The following CNTNAP2 variants were observed in gnomAD, a reference collection of about 807,000 sequenced individuals.
CNTNAP2 encodes the protein contactin-associated protein-like 2.
CNTNAP2 carries 98 observed loss-of-function variants against 155.2 expected under a neutral mutation model. That is an observed-to-expected ratio of 0.63 (90% CI 0.54 to 0.75). CNTNAP2 has a LOEUF of 0.75. Ranked by LOEUF, CNTNAP2 falls within the 30% of genes least tolerant of loss-of-function variation. CNTNAP2 has a pLI of 0.00. For synonymous variants in CNTNAP2, 651 were observed against 631.2 expected, an observed-to-expected ratio of 1.03 and a Z score of -0.47; for missense variants, 1,727 against 1,688.1, an observed-to-expected ratio of 1.02 and a Z score of -0.40.
At chr7:147,154,241 C>A (rs909032826) in intron 8 of CNTNAP2, among the ~76,000 whole-genome samples, 1 of 152,014 alleles carries the variant, frequency 6.6e-6, no homozygotes, top group African/African-American at 2.4e-5. Flanking sequence ...CGAGAATAAG[C>A]AAGATCAGAG....
intron 12 of CNTNAP2, among the ~76,000 whole-genome samples, chr7:147,619,106 A>G (rs958948532): frequency 6.6e-6 from 1 of 152,384 alleles, no homozygotes; most frequent in African/African-American, 2.4e-5. Context: ...AGGTGATTAC[A>G]TGATGAGACA....
chr7:146,905,589 C>T (rs368933759), intron 3 of CNTNAP2, among the ~76,000 whole-genome samples: 4 of 152,034 alleles, frequency 2.6e-5, no homozygotes, highest in African/African-American at 9.6e-5. Flanking sequence ...ACTAGCTTTC[C>T]CCAAGTCTTT....
At chr7:147,033,190 A>ATATATATATATATATG (rs1554427723) in intron 3 of CNTNAP2, among the ~76,000 whole-genome samples, 70 of 92,472 alleles carry the variant, frequency 7.6e-4, no homozygotes, top group Non-Finnish European at 1.2e-3. Flanking sequence ...ATATATATAT[A>ATATATATATATATATG]TATATATATA....
intron 1 of CNTNAP2, among the ~76,000 whole-genome samples, chr7:146,426,385 G>GTATA (rs71794213): frequency 6.1e-4 from 82 of 135,154 alleles, no homozygotes; most frequent in East Asian, 3.7e-3. Flanking sequence ...AAAACAAAAT[G>GTATA]TATATATATA....
intron 13 of CNTNAP2, among the ~76,000 whole-genome samples, chr7:147,675,102 G>A (rs147663646): frequency 0.016 from 2,496 of 152,036 alleles, 221 homozygotes; most frequent in Admixed American, 0.15. Flanking sequence ...TCCTTCAAAG[G>A]CTCCAGGGAA....
chr7:147,787,491 G>C (rs986167185), intron 13 of CNTNAP2, among the ~76,000 whole-genome samples: 1 of 152,208 alleles, frequency 6.6e-6, no homozygotes, highest in African/African-American at 2.4e-5. Flanking sequence ...CACATGGTTA[G>C]AATCATTAAT....
chr7:148,101,231 T>C (rs1031879063), intron 15 of CNTNAP2, among the ~76,000 whole-genome samples: 1 of 151,894 alleles, frequency 6.6e-6, no homozygotes, highest in South Asian at 2.1e-4. Context: ...CATGTATACA[T>C]ATGTAACTAA....
chr7:147,345,450 T>C (rs1795838157), intron 9 of CNTNAP2, among the ~76,000 whole-genome samples: 1 of 152,206 alleles, frequency 6.6e-6, no homozygotes. Flanking sequence ...TGCTTCCTTG[T>C]TTGGATCAAA....
chr7:148,362,001 G>C (rs1798630769), intron 21 of CNTNAP2, among the ~76,000 whole-genome samples: 1 of 152,044 alleles, frequency 6.6e-6, no homozygotes, highest in Non-Finnish European at 1.5e-5. Context: ...TGAAGTTAGG[G>C]GTTCGAGACC....
intron 11 of CNTNAP2, among the ~76,000 whole-genome samples, chr7:147,523,493 T>G (rs970678081): frequency 7.9e-5 from 12 of 152,206 alleles, no homozygotes; most frequent in Non-Finnish European, 1.6e-4. Flanking sequence ...TGGGGATCCT[T>G]TGGGATCACC....
intron 10 of CNTNAP2, among the ~76,000 whole-genome samples, chr7:147,479,667 CAAGTT>C (rs1798387544): frequency 6.6e-6 from 1 of 150,478 alleles, no homozygotes; most frequent in African/African-American, 2.4e-5. Context: ...GCAGAAAACC[CAAGTT>C]AAGTTGCTTA....
intron 6 of CNTNAP2, among the ~76,000 whole-genome samples, chr7:147,125,150 G>C (rs551186326): frequency 6.6e-6 from 1 of 151,986 alleles, no homozygotes; most frequent in Non-Finnish European, 1.5e-5. Flanking sequence ...AAAGTGCTGG[G>C]ATTACAGGTG....
At chr7:146,728,791 T>C (rs891473445) in intron 1 of CNTNAP2, among the ~76,000 whole-genome samples, 5 of 152,164 alleles carry the variant, frequency 3.3e-5, no homozygotes, top group African/African-American at 1.2e-4. Flanking sequence ...AATGTGGCAG[T>C]GTTCCAGAAG....
intron 1 of CNTNAP2, among the ~76,000 whole-genome samples, chr7:146,165,477 A>G (rs927417585): frequency 1.3e-5 from 2 of 152,190 alleles, no homozygotes; most frequent in African/African-American, 4.8e-5. Flanking sequence ...TGCACATTCT[A>G]AAACAGGTTA....
intron 21 of CNTNAP2, among the ~76,000 whole-genome samples, chr7:148,277,064 C>T (rs947491779): frequency 2.4e-4 from 36 of 152,146 alleles, no homozygotes; most frequent in Non-Finnish European, 8.8e-5. Flanking sequence ...GAGCCTTTCC[C>T]GTCCTCTGCT....
intron 20 of CNTNAP2, among the ~76,000 whole-genome samples, chr7:148,243,084 A>G (rs2116801790): frequency 6.6e-6 from 1 of 152,332 alleles, no homozygotes; most frequent in East Asian, 1.9e-4. Flanking sequence ...TGAATAAAAC[A>G]CATGAGCGAA....
intron 19 of CNTNAP2, among the ~76,000 whole-genome samples, chr7:148,227,927 GTGTGTGTGA>G (rs1372082795): frequency 3.2e-4 from 48 of 150,286 alleles, no homozygotes; most frequent in African/African-American, 1.1e-3. Context: ...GTGTGTGTGT[GTGTGTGTGA>G]AAGTCTGGAA....
chr7:146,309,398 G>A (rs927415631), intron 1 of CNTNAP2, among the ~76,000 whole-genome samples: 10 of 152,136 alleles, frequency 6.6e-5, no homozygotes, highest in African/African-American at 2.2e-4. Flanking sequence ...TTTCTCATCT[G>A]CAGTAAGGCA....
intron 3 of CNTNAP2, among the ~76,000 whole-genome samples, chr7:146,911,962 C>A (rs1005230683): frequency 3.9e-5 from 6 of 152,056 alleles, no homozygotes; most frequent in African/African-American, 9.7e-5. Flanking sequence ...ATAATGATTT[C>A]TTTCCTTTGA....
Sources: allele counts gnomAD v4.1 joint callset (sites outside exome capture counted in the v4.1 genomes callset), GRCh38; gene constraint gnomAD v4.1.1; transcripts MANE v1.5; gene names NCBI Gene and HGNC (gene_info 2026-07-23, HGNC 2026-07-21).